The following CHST12 variants were observed in gnomAD, a reference collection of about 807,000 sequenced individuals.
CHST12 encodes the protein carbohydrate (chondroitin 4) sulfotransferase 12.
In CHST12, 23 loss-of-function variants were observed where a neutral mutation model predicts 27.9. The ratio of observed to expected loss-of-function variants is 0.82; its 90% CI spans 0.59 to 1.17. The LOEUF is 1.17. CHST12 is among the 50% of genes most tolerant of loss of function. CHST12 has a pLI of 0.00. For synonymous variants in CHST12, 322 were observed against 273.0 expected (o/e 1.18, Z -1.77); for missense variants, 682 against 603.0 (o/e 1.13, Z -1.37).
rs1259123502 is a variant in CHST12, at chr7:2,433,129, G to A, written c.490G>A (p.Gly164Arg). The change falls in exon 2 of 2, where the codon GGG becomes AGG. Residue 164 changes from glycine to arginine, a missense_variant. Transcript: ENST00000618655. The surrounding 1 kb of genome is among the most constrained non-coding windows in gnomAD (Gnocchi z 6.1). ...CCACCTGATCGTGGACGACCGGCAC[G>A]GGGCCATCTACTGCTACGTGCCCAA... ...LSHLIVDDRHGAIYCYVPKVA... is the reference protein window; with the variant it reads ...LSHLIVDDRHRAIYCYVPKVA... 3 of 1,612,548 alleles carry A rather than the reference G, an allele frequency of 1.9e-6. No homozygotes were observed. Among genetic ancestry groups the A allele is most frequent in the East Asian group, 2.2e-5 (1 of 44,858 alleles).
rs1328393370 is a variant in CHST12, at chr7:2,441,675, A to G, written c.*7791A>G. ...ACCACTGCATTCCAGCCTGGGTGAC[A>G]GAGCAAGATCTTGTCTTAAAAAAAA... is the stretch of plus-strand genomic sequence containing the variant. On this transcript the variant is annotated 3_prime_UTR_variant, in exon 2 of 2. Coordinates refer to ENST00000618655, the MANE Select transcript of CHST12 (RefSeq NM_018641.5). 6.7e-6 allele frequency: 1 copy of G among 148,240 alleles called. No individual in the cohort carries two copies. Among genetic ancestry groups the G allele is most frequent in the African/African-American group, 2.5e-5 (1 of 39,540 alleles). 9.2% of individuals were successfully genotyped at this position (148,240 alleles called of 1,614,324 possible).
intron 1 of CHST12, among the ~76,000 whole-genome samples, chr7:2,422,284 G>C (rs1430671161): frequency 1.3e-5 from 2 of 151,504 alleles, no homozygotes; most frequent in African/African-American, 4.9e-5. Flanking sequence ...CCCTCTTGTG[G>C]CCCAGGCTGG....
Position 2,433,949 on chromosome 7 carries a change from T to G in CHST12, c.*65T>G, listed in dbSNP as rs1444507923. ...ACGCACGCGCACTCCAGTTTTTTTA[T>G]GACCTACGATTTTGCAATCTGGGCT... On this transcript the variant is annotated 3_prime_UTR_variant, in exon 2 of 2. Transcript: ENST00000618655. The surrounding 1 kb of genome is among the most constrained non-coding windows in gnomAD (Gnocchi z 6.1). The G allele has an allele frequency of 7.0e-7, 1 of 1,424,788 alleles. No individual in the cohort carries two copies. The highest frequency in any genetic ancestry group is 9.5e-7 in the Non-Finnish European group (1 of 1,051,274). 88.3% of individuals were successfully genotyped at this position (1,424,788 alleles called of 1,614,324 possible). A position where few individuals can be genotyped will look rare whatever the true frequency, so the allele number is the denominator to read the frequency against.
chr7:2,433,056 C>G lies in CHST12; in HGVS notation c.417C>G (p.Phe139Leu). ...TCTGCGCCAACTCCAGCCTGGCCTT[C>G]CCCACCAAGGAGCGCGCATTCGACG... ...RGFCANSSLAFPTKERAFDDI... is the reference protein window; with the variant it reads ...RGFCANSSLALPTKERAFDDI... Residue 139 changes from phenylalanine to leucine, a missense_variant, in exon 2 of 2, where the codon TTC (phenylalanine) becomes TTG (leucine). Phe to Leu is a conservative substitution (Grantham distance 22). Transcript: ENST00000618655. The surrounding 1 kb of genome is among the most constrained non-coding windows in gnomAD (Gnocchi z 6.1). 1.2e-6 allele frequency: 2 copies of G among 1,612,012 alleles called. No individual in the cohort carries two copies. The highest frequency in any genetic ancestry group is 1.1e-5 in the South Asian group (1 of 91,072).
chr7:2,406,302 G>A (rs1243175242), intron 1 of CHST12, among the ~76,000 whole-genome samples: 1 of 148,830 alleles, frequency 6.7e-6, no homozygotes, highest in Non-Finnish European at 1.5e-5. Context: ...GGTGGTTTCT[G>A]TAACTGTTTA....
chr7:2,404,383 A>G (rs1390653007), intron 1 of CHST12, among the ~76,000 whole-genome samples: 1 of 152,064 alleles, frequency 6.6e-6, no homozygotes, highest in African/African-American at 2.4e-5. Context: ...TCCGTCTGGC[A>G]GGCAGCACAA....
At chr7:2,414,641 C>A (rs959138754) in intron 1 of CHST12, among the ~76,000 whole-genome samples, 1 of 152,152 alleles carries the variant, frequency 6.6e-6, no homozygotes, top group East Asian at 1.9e-4. Flanking sequence ...TTGATAAAGT[C>A]CAATTTACCA....
At chr7:2,415,918 A>G (rs2115400874) in intron 1 of CHST12, among the ~76,000 whole-genome samples, 1 of 152,260 alleles carries the variant, frequency 6.6e-6, no homozygotes, top group East Asian at 1.9e-4. Flanking sequence ...CTGGCTGGCA[A>G]TTTCTTAAGA....
rs1464782397 is a variant in CHST12, at chr7:2,442,422, G to C, written c.*8538G>C. On this transcript the variant is annotated 3_prime_UTR_variant, in exon 2 of 2. Coordinates refer to ENST00000618655, the MANE Select transcript of CHST12 (RefSeq NM_018641.5). ...TCTGTCTCCCAGGCTGGAGTGCGGT[G>C]GCACCATCTCAGCTCACTGCAAGCT... 6.6e-6 allele frequency: 1 copy of C among 152,328 alleles called. No homozygotes were observed. Among genetic ancestry groups the C allele is most frequent in the Non-Finnish European group, 1.5e-5 (1 of 68,158 alleles). The allele number at this position is 152,328 out of a possible 1,614,324, so 9.4% of individuals were successfully genotyped here.
chr7:2,409,228 C>T (rs960937119), intron 1 of CHST12, among the ~76,000 whole-genome samples: 1 of 152,114 alleles, frequency 6.6e-6, no homozygotes, highest in Non-Finnish European at 1.5e-5. Flanking sequence ...GCTGCATTTT[C>T]GCCTGTCGCC....
In CHST12 at chr7:2,434,052, T is replaced by A; in HGVS notation, c.*168T>A. ...TTAAGATTAATATATTTCAGGTATT[T>A]AATACGAAATGTGGAAGGGAATGCT... is the stretch of plus-strand genomic sequence containing the variant. On this transcript the variant is annotated 3_prime_UTR_variant, in exon 2 of 2. Transcript: ENST00000618655. 1.9e-6 allele frequency: 1 copy of A among 532,712 alleles called. No homozygotes were observed. The highest frequency in any genetic ancestry group is 3.3e-6 in the Non-Finnish European group (1 of 306,360). The allele number at this position is 532,712 out of a possible 1,614,324, so 33.0% of individuals were successfully genotyped here.
chr7:2,410,371 G>A (rs1051241335), intron 1 of CHST12, among the ~76,000 whole-genome samples: 1 of 152,190 alleles, frequency 6.6e-6, no homozygotes, highest in African/African-American at 2.4e-5. Flanking sequence ...TTTGAGGCCA[G>A]GCATGGTGGC....
At chr7:2,410,811 ATCAGT>A (rs1229909484) in intron 1 of CHST12, among the ~76,000 whole-genome samples, 1 of 151,906 alleles carries the variant, frequency 6.6e-6, no homozygotes, top group Non-Finnish European at 1.5e-5. Flanking sequence ...AGAAGAGGAG[ATCAGT>A]GGAGTCCTGG....
chr7:2,406,869 C>T (rs1342807222), intron 1 of CHST12, among the ~76,000 whole-genome samples: 2 of 152,050 alleles, frequency 1.3e-5, no homozygotes, highest in Non-Finnish European at 2.9e-5. Flanking sequence ...CCAGAATACA[C>T]ACTGGGAAAC....
intron 1 of CHST12, among the ~76,000 whole-genome samples, chr7:2,413,980 C>G (rs1204969277): frequency 6.6e-6 from 1 of 151,972 alleles, no homozygotes; most frequent in African/African-American, 2.4e-5. Context: ...CCACCCACCT[C>G]GGCCTCCCAA....
rs1184410473 is a variant in CHST12, at chr7:2,440,874, C to G, written c.*6990C>G. ...TCGTTTCTCCGGCCGTGTGAAGTTA[C>G]CACCTCGTGAGTGGTCATAAGTTAG... is the stretch of plus-strand genomic sequence containing the variant. On this transcript the variant is annotated 3_prime_UTR_variant, in exon 2 of 2. Transcript: ENST00000618655. 1 of 152,192 alleles carries G rather than the reference C, an allele frequency of 6.6e-6. No individual in the cohort carries two copies. The highest frequency in any genetic ancestry group is 6.5e-5 in the Admixed American group (1 of 15,272). The allele number at this position is 152,192 out of a possible 1,614,324, so 9.4% of individuals were successfully genotyped here. A position where few individuals can be genotyped will look rare whatever the true frequency, so the allele number is the denominator to read the frequency against.
In CHST12 at chr7:2,443,693, C is replaced by G. The variant is rs1782674619; in HGVS notation, c.*9809C>G. On this transcript the variant is annotated 3_prime_UTR_variant, in exon 2 of 2. Coordinates refer to ENST00000618655, the MANE Select transcript of CHST12 (RefSeq NM_018641.5). ...TGCCTCCTTGAATGCACACATAACA[C>G]AGGAACAAAGACAGAGCTGCTTCCC... 1 of 152,192 alleles carries G rather than the reference C, an allele frequency of 6.6e-6. No individual in the cohort carries two copies. The highest frequency in any genetic ancestry group is 2.4e-5 in the African/African-American group (1 of 41,434). The allele number at this position is 152,192 out of a possible 1,614,324, so 9.4% of individuals were successfully genotyped here.
intron 1 of CHST12, among the ~76,000 whole-genome samples, chr7:2,424,539 G>T (rs1782056570): frequency 6.6e-6 from 1 of 152,016 alleles, no homozygotes; most frequent in African/African-American, 2.4e-5. Flanking sequence ...AGTCCAGGAG[G>T]GTCTCCCAGT....
Position 2,432,793 on chromosome 7 carries a change from C to G in CHST12, c.154C>G (p.Pro52Ala), listed in dbSNP as rs756902847. The change falls in exon 2 of 2, where the codon CCC becomes GCC. Residue 52 changes from proline (P) to alanine (A), a missense_variant. Coordinates refer to ENST00000618655, the MANE Select transcript of CHST12 (RefSeq NM_018641.5). ...GCACACGGGGCCGCCGCTGCCCACGCCCGGGCCGGACAGGGACAGGGAGCT... is the reference window on the plus strand; with the variant it reads ...GCACACGGGGCCGCCGCTGCCCACGGCCGGGCCGGACAGGGACAGGGAGCT... Reference protein sequence around the residue: ...RPHTGPPLPTPGPDRDRELTA... With the variant: ...RPHTGPPLPTAGPDRDRELTA... The G allele has an allele frequency of 6.2e-7, 1 of 1,613,658 alleles. No homozygotes were observed. The highest frequency in any genetic ancestry group is 8.5e-7 in the Non-Finnish European group (1 of 1,179,798).
Sources: gnomAD v4.1 joint callset for allele counts (sites outside exome capture counted in the v4.1 genomes callset) on GRCh38, gnomAD v4.1.1 for gene constraint, Gnocchi (gnomAD v3.1) non-coding constraint, MANE v1.5 for transcripts, NCBI Gene and HGNC (gene_info 2026-07-23, HGNC 2026-07-21) for gene names.